MAGI2: variants seen among roughly 807,000 people sequenced by gnomAD.
The protein encoded by MAGI2 is membrane-associated guanylate kinase, WW and PDZ domain-containing protein 2.
MAGI2 carries 35 observed loss-of-function variants against 133.3 expected under a neutral mutation model. The observed-to-expected ratio is 0.26, with a 90% CI of 0.20 to 0.35. The LOEUF is 0.35. Ranked by LOEUF, MAGI2 falls within the 10% of genes least tolerant of loss-of-function variation. The pLI is 1.00. For missense variants in MAGI2, 1,636 were observed against 1,863.4 expected (o/e 0.88, Z 2.25); for synonymous variants, 729 against 710.6 (o/e 1.03, Z -0.41).
chr7:78,773,660 G>C (rs554437798), intron 2 of MAGI2, among the ~76,000 whole-genome samples: 1 of 152,288 alleles, frequency 6.6e-6, no homozygotes, highest in African/African-American at 2.4e-5. Context: ...GGCGAGGCAG[G>C]ACAGTCACAT....
At chr7:78,749,323 G>C (rs889703761) in intron 2 of MAGI2, among the ~76,000 whole-genome samples, 4 of 152,072 alleles carry the variant, frequency 2.6e-5, no homozygotes, top group African/African-American at 9.7e-5. Flanking sequence ...AAACAGTGGT[G>C]ATATTAAAGA....
intron 16 of MAGI2, among the ~76,000 whole-genome samples, chr7:78,149,719 TC>T (rs1823681108): frequency 6.6e-6 from 1 of 152,188 alleles, no homozygotes; most frequent in African/African-American, 2.4e-5. Context: ...TGGAAGACCC[TC>T]CTCTCATGAT....
intron 10 of MAGI2, among the ~76,000 whole-genome samples, chr7:78,201,652 C>T (rs1273529502): frequency 1.3e-5 from 2 of 152,120 alleles, no homozygotes; most frequent in Non-Finnish European, 2.9e-5. Flanking sequence ...TTCATTATTC[C>T]TAACTTTAAA....
At chr7:78,556,023 C>G (rs1799791196) in intron 3 of MAGI2, among the ~76,000 whole-genome samples, 1 of 151,980 alleles carries the variant, frequency 6.6e-6, no homozygotes, top group South Asian at 2.1e-4. Flanking sequence ...CTATTAAAGG[C>G]CTTAAATTCA....
intron 16 of MAGI2, 24 bp from the exon 17 acceptor site, chr7:78,135,230 G>A: frequency 6.3e-7 from 1 of 1,594,492 alleles, no homozygotes; most frequent in Non-Finnish European, 8.6e-7. Context: ...AACAGAAATA[G>A]GTATCAGGGA....
intron 9 of MAGI2, among the ~76,000 whole-genome samples, chr7:78,317,940 G>A (rs1019823583): frequency 6.6e-6 from 1 of 152,118 alleles, no homozygotes; most frequent in African/African-American, 2.4e-5. Flanking sequence ...CAAAAAGGAC[G>A]TCCAGACACA....
chr7:78,822,139 C>T (rs912839099), intron 2 of MAGI2, among the ~76,000 whole-genome samples: 5 of 151,920 alleles, frequency 3.3e-5, no homozygotes, highest in Admixed American at 2.6e-4. Context: ...TTAAAAAGAT[C>T]GATTCCCATG....
At chr7:78,545,064 T>C (rs1798710827) in intron 3 of MAGI2, among the ~76,000 whole-genome samples, 1 of 151,698 alleles carries the variant, frequency 6.6e-6, no homozygotes, top group African/African-American at 2.4e-5. Context: ...TATTAGACTT[T>C]AAGCTCCTAG....
intron 9 of MAGI2, among the ~76,000 whole-genome samples, chr7:78,259,185 T>C (rs866901558): frequency 1.3e-5 from 2 of 152,172 alleles, no homozygotes; most frequent in Non-Finnish European, 2.9e-5. Flanking sequence ...TTCCTCAATT[T>C]CCTATTCAGT....
intron 21 of MAGI2, among the ~76,000 whole-genome samples, chr7:78,069,539 GGAGAGAGAGAGAGAGAGA>G (rs3840607): frequency 3.7e-5 from 5 of 134,644 alleles, no homozygotes; most frequent in South Asian, 2.6e-4. Context: ...GAAAGAGAGA[GGAGAGAGAGAGAGAGAGA>G]GAGAGAGAGA....
intron 2 of MAGI2, among the ~76,000 whole-genome samples, chr7:78,704,556 C>G (rs751133219): frequency 2.6e-5 from 4 of 152,044 alleles, no homozygotes; most frequent in Non-Finnish European, 4.4e-5. Flanking sequence ...CCCAGCAATC[C>G]CGTTATTGGG....
At chr7:79,327,133 T>A (rs1249466035) in intron 1 of MAGI2, among the ~76,000 whole-genome samples, 1 of 152,120 alleles carries the variant, frequency 6.6e-6, no homozygotes, top group African/African-American at 2.4e-5. Flanking sequence ...CTGTGTGACC[T>A]GGGGTAAACT....
At chr7:78,615,871 C>T (rs1047203842) in intron 3 of MAGI2, 4 of 152,012 alleles carry the variant, frequency 2.6e-5, no homozygotes, top group Non-Finnish European at 5.9e-5. Context: ...ACCCATTAAT[C>T]AGTGAAAGGA....
At chr7:78,729,123 C>G (rs1167071542) in intron 2 of MAGI2, among the ~76,000 whole-genome samples, 1 of 152,090 alleles carries the variant, frequency 6.6e-6, no homozygotes, top group East Asian at 1.9e-4. Flanking sequence ...AGATATTTTA[C>G]TCACTCAAGA....
chr7:78,420,130 AG>A (rs1798664351), intron 6 of MAGI2, among the ~76,000 whole-genome samples: 1 of 152,144 alleles, frequency 6.6e-6, no homozygotes, highest in South Asian at 2.1e-4. Flanking sequence ...GCACCAATAA[AG>A]GGCTGTTTGT....
chr7:78,799,137 G>T (rs1194208889), intron 2 of MAGI2, among the ~76,000 whole-genome samples: 1 of 152,100 alleles, frequency 6.6e-6, no homozygotes, highest in Non-Finnish European at 1.5e-5. Flanking sequence ...TCCCTTTTAT[G>T]TCTTGCTAAC....
At chr7:78,735,100 G>A (rs987682281) in intron 2 of MAGI2, among the ~76,000 whole-genome samples, 1 of 152,124 alleles carries the variant, frequency 6.6e-6, no homozygotes, top group Non-Finnish European at 1.5e-5. Flanking sequence ...CACTTCCACT[G>A]CCTATTTTGA....
rs532337220 is a variant in MAGI2 at position 79,329,651 on chromosome 7, C to T, written c.301+123369G>A. Among the ~76,000 whole-genome samples, 13 of 152,288 alleles carry T rather than the reference C, an allele frequency of 8.5e-5. 1 individual carries two copies. In the South Asian group the frequency reaches 2.7e-3, roughly 32 times the overall value. ...ATAATTACGAGATTAGATTTCTGTT[C>T]TCCCTGACAAAGCCATTTTTAGATC... On this transcript the variant is annotated intron_variant, in intron 1 of 21. Transcript: ENST00000354212.
chr7:78,761,811 CT>C (rs1413182319), intron 2 of MAGI2, among the ~76,000 whole-genome samples: 6 of 151,950 alleles, frequency 3.9e-5, no homozygotes, highest in African/African-American at 1.4e-4. Context: ...TTGTAACAAC[CT>C]CTTAGGCAAT....
Sources: gnomAD v4.1 joint callset for allele counts (sites outside exome capture counted in the v4.1 genomes callset) on GRCh38, gnomAD v4.1.1 for gene constraint, MANE v1.5 for transcripts, NCBI Gene and HGNC (gene_info 2026-07-23, HGNC 2026-07-21) for gene names.